Variants in PBX1 observed in about 807,000 individuals in gnomAD.
PBX1 encodes the protein pre-B-cell leukemia transcription factor 1.
A neutral mutation model predicts 53.4 loss-of-function variants in PBX1; 6 were observed. That is an observed-to-expected ratio of 0.11 (90% CI 0.06 to 0.22). The LOEUF (loss-of-function observed/expected upper bound fraction) is 0.22. PBX1 is among the 10% of genes least tolerant of loss of function. The probability of loss-of-function intolerance (pLI) is 1.00; values close to 1 mark genes in which losing one functional copy is unlikely to be tolerated. For synonymous variants in PBX1, 204 were observed against 212.3 expected (o/e 0.96, Z 0.34); for missense variants, 251 against 551.4 (o/e 0.46, Z 5.46).
intron 2 of PBX1, among the ~76,000 whole-genome samples, chr1:164,600,573 T>G (rs561065781): frequency 6.6e-6 from 1 of 152,202 alleles, no homozygotes; most frequent in African/African-American, 2.4e-5. Context: ...AACTAAAGTC[T>G]GCCTGCATTC....
chr1:164,858,584 G>T (rs1672026777), intron 2 of PBX1, among the ~76,000 whole-genome samples: 1 of 152,046 alleles, frequency 6.6e-6, no homozygotes, highest in Admixed American at 6.6e-5. Context: ...TTCCTTTATG[G>T]ATCTTGTATT....
intron 2 of PBX1, among the ~76,000 whole-genome samples, chr1:164,644,550 G>A (rs762484962): frequency 2.7e-5 from 4 of 150,444 alleles, no homozygotes; most frequent in African/African-American, 7.3e-5. Context: ...AATCTAAAAC[G>A]TTTATCAGCT....
intron 2 of PBX1, among the ~76,000 whole-genome samples, chr1:164,709,587 G>A (rs189568104): frequency 3.9e-5 from 6 of 151,952 alleles, no homozygotes; most frequent in Non-Finnish European, 7.4e-5. Flanking sequence ...GACATTTCAC[G>A]CAGACCACCC....
At chr1:164,670,453 C>G (rs1434811094) in intron 2 of PBX1, among the ~76,000 whole-genome samples, 1 of 152,198 alleles carries the variant, frequency 6.6e-6, no homozygotes, top group Non-Finnish European at 1.5e-5. Flanking sequence ...TCCTTCCTTT[C>G]CACCCCGTGT....
intron 2 of PBX1, among the ~76,000 whole-genome samples, chr1:164,660,692 T>C (rs1320070741): frequency 1.3e-5 from 2 of 152,210 alleles, no homozygotes; most frequent in Admixed American, 6.5e-5. Flanking sequence ...AGCTTTTATG[T>C]ACATCATCCT....
intron 6 of PBX1, chr1:164,813,957 G>A (rs1448462369): frequency 6.6e-6 from 1 of 152,188 alleles, no homozygotes. Flanking sequence ...TGAGCACAAA[G>A]TAAATTATTA....
intron 2 of PBX1, among the ~76,000 whole-genome samples, chr1:164,673,219 C>A (rs923777082): frequency 2.6e-5 from 4 of 152,090 alleles, no homozygotes; most frequent in African/African-American, 9.6e-5. Context: ...TGAAAAAAAA[C>A]CCCAGCATAA....
chr1:164,579,548 C>A (rs188544826), intron 2 of PBX1, among the ~76,000 whole-genome samples: 17 of 152,332 alleles, frequency 1.1e-4, no homozygotes, highest in African/African-American at 3.8e-4. Context: ...TTGTTCAGCC[C>A]AGTTACTGGG....
chr1:164,696,752 C>G (rs1662819008), intron 2 of PBX1, among the ~76,000 whole-genome samples: 1 of 152,086 alleles, frequency 6.6e-6, no homozygotes, highest in Non-Finnish European at 1.5e-5. Flanking sequence ...TGTTGACTTT[C>G]CTTTTGGCTT....
chr1:164,737,678 C>CA (rs1200003995), intron 2 of PBX1, among the ~76,000 whole-genome samples: 2 of 152,078 alleles, frequency 1.3e-5, no homozygotes, highest in Non-Finnish European at 1.5e-5. Context: ...AGGGTTTCAC[C>CA]ATGTTGGCCA....
At chr1:164,877,812 TCAC>T (rs1209491196) in intron 2 of PBX1, among the ~76,000 whole-genome samples, 1 of 152,230 alleles carries the variant, frequency 6.6e-6, no homozygotes, top group Non-Finnish European at 1.5e-5. Flanking sequence ...ACACAAGTGA[TCAC>T]CACAACCAAG....
chr1:164,799,656 G>C, intron 3 of PBX1, 43 bp from the exon 4 acceptor site: 5 of 1,580,278 alleles, frequency 3.2e-6, no homozygotes, highest in Non-Finnish European at 3.5e-6. Context: ...GCGTGTTGAG[G>C]CTTGGACCCT....
At chr1:164,731,355 G>A (rs2102137949) in intron 2 of PBX1, among the ~76,000 whole-genome samples, 1 of 149,878 alleles carries the variant, frequency 6.7e-6, no homozygotes, top group East Asian at 2.0e-4. Flanking sequence ...TCTGATTTCA[G>A]CCTGTCACTT....
intron 2 of PBX1, among the ~76,000 whole-genome samples, chr1:164,693,746 G>C (rs1293186210): frequency 6.6e-6 from 1 of 152,158 alleles, no homozygotes; most frequent in Non-Finnish European, 1.5e-5. Flanking sequence ...CTTTTCCTGA[G>C]TATCATGTAG....
chr1:164,839,536 A>G (rs1472395480), intron 8 of PBX1, among the ~76,000 whole-genome samples: 4 of 152,158 alleles, frequency 2.6e-5, no homozygotes, highest in Non-Finnish European at 5.9e-5. Flanking sequence ...AGAAACCTAC[A>G]ATAAGAAAGT....
intron 2 of PBX1, among the ~76,000 whole-genome samples, chr1:164,608,048 G>C (rs1656677310): frequency 6.6e-6 from 1 of 152,198 alleles, no homozygotes; most frequent in African/African-American, 2.4e-5. Flanking sequence ...TTCCAAGTCT[G>C]AGTATTCTCA....
In PBX1 at chr1:164,847,105, A is replaced by C; in HGVS notation, c.*429A>C. ...TGGTTTGAGGAGCCAAATTTACCTC[A>C]CTCGAATCCCTCACTCCCTATGTTA... On this transcript the variant is annotated 3_prime_UTR_variant, in exon 9 of 9. Coordinates refer to ENST00000420696, the MANE Select transcript of PBX1 (RefSeq NM_002585.4). 1 of 1,092,638 alleles carries C rather than the reference A, an allele frequency of 9.2e-7. No individual in the cohort carries two copies. The highest frequency in any genetic ancestry group is 4.4e-5 in the East Asian group (1 of 22,602). 67.7% of individuals were successfully genotyped at this position (1,092,638 alleles called of 1,614,324 possible).
intron 2 of PBX1, chr1:164,772,984 A>G (rs2102251115): frequency 6.6e-6 from 1 of 152,278 alleles, no homozygotes; most frequent in Non-Finnish European, 1.5e-5. Context: ...TGGCTATCAG[A>G]ACTATCATAA....
Position 164,618,347 on chromosome 1 carries a change from A to G in PBX1, c.265+55036A>G, listed in dbSNP as rs570320228. Among the ~76,000 whole-genome samples, 18 of 140,280 alleles carry G rather than the reference A, an allele frequency of 1.3e-4. No individual in the cohort carries two copies. The South Asian group carries it at 4.1e-3, about 32-fold the overall frequency. 92.0% of individuals were successfully genotyped at this position (140,280 alleles called of 152,430 possible). A position where few individuals can be genotyped will look rare whatever the true frequency, so the allele number is the denominator to read the frequency against. ...ATCAGCACTAGCCCAGCCTTCTCCC[A>G]GGCTGGGGTAAGGGTTTCCTGGGGA... On this transcript the variant is annotated intron_variant, in intron 2 of 8. Transcript: ENST00000420696.
Sources: allele counts gnomAD v4.1 joint callset (sites outside exome capture counted in the v4.1 genomes callset), GRCh38; gene constraint gnomAD v4.1.1; transcripts MANE v1.5; gene names NCBI Gene and HGNC (gene_info 2026-07-23, HGNC 2026-07-21).